AK9: variants seen among roughly 807,000 people sequenced by gnomAD.
AK9 encodes the protein adenylate kinase domain containing 1.
A neutral mutation model predicts 239.6 loss-of-function variants in AK9; 191 were observed. That is an observed-to-expected ratio of 0.80 (90% CI 0.71 to 0.90). The LOEUF (loss-of-function observed/expected upper bound fraction) is 0.90, where lower values mean the gene tolerates loss of function less well. Ranked by LOEUF, AK9 falls within the 40% of genes least tolerant of loss-of-function variation. AK9 has a pLI of 0.00. For synonymous variants in AK9, 689 were observed against 721.0 expected (o/e 0.96, Z 0.71); for missense variants, 1,995 against 2,214.7 (o/e 0.90, Z 1.99).
In AK9 at chr6:109,528,884, G is replaced by A. The variant is rs1780859645; in HGVS notation, c.3633+127C>T. On this transcript the variant is annotated intron_variant, in intron 29 of 40. Coordinates refer to ENST00000424296, the MANE Select transcript of AK9 (RefSeq NM_001145128.3). ...TGCCTGTAATCCTAGCACTTTGAGA[G>A]GCTGAGGTGGGAGGATCCCTTGAGC... 3.4e-6 allele frequency: 5 copies of A among 1,474,948 alleles called. No homozygotes were observed. The East Asian group carries it at 1.3e-4, about 38-fold the overall frequency. The allele number at this position is 1,474,948 out of a possible 1,614,324, so 91.4% of individuals were successfully genotyped here.
Position 109,493,423 on chromosome 6 carries a change from A to G in AK9, c.5682T>C (p.Asp1894=). The G allele has an allele frequency of 2.5e-6, 4 of 1,614,164 alleles. No individual in the cohort carries two copies. The highest frequency in any genetic ancestry group is 3.4e-6 in the Non-Finnish European group (4 of 1,180,038). ...KEPQFRAIDF[D]HKLKTFLSLR... The stretch of plus-strand genomic sequence containing the variant: ...GAGAGAGAAAGGTCTTTAACTTATG[A>G]TCAAAGTCAATGGCTCTGAACTGAG... The change falls in exon 41 of 41, where the codon GAT becomes GAC. Residue 1894 remains aspartate (D), a synonymous_variant. Coordinates refer to ENST00000424296, the MANE Select transcript of AK9 (RefSeq NM_001145128.3).
At chr6:109,581,379 C>T (rs1010481175) in intron 19 of AK9, among the ~76,000 whole-genome samples, 1 of 152,040 alleles carries the variant, frequency 6.6e-6, no homozygotes, top group African/African-American at 2.4e-5. Context: ...GTTGTGAATG[C>T]CAAAGAAATG....
At chr6:109,593,305 A>G (rs1185176754) in intron 17 of AK9, among the ~76,000 whole-genome samples, 2 of 151,800 alleles carry the variant, frequency 1.3e-5, no homozygotes, top group Non-Finnish European at 2.9e-5. Context: ...TTTCTCTAAA[A>G]TCTAAACCAG....
intron 24 of AK9, chr6:109,550,530 C>T (rs1582961072): frequency 2.6e-6 from 1 of 382,480 alleles, no homozygotes; most frequent in East Asian, 5.2e-5. Flanking sequence ...TAAAGCAGCA[C>T]TGAGAATGAA....
chr6:109,675,799 T>G, intron 1 of AK9, 43 bp from the exon 2 acceptor site: 1 of 1,184,368 alleles, frequency 8.4e-7, no homozygotes, highest in Non-Finnish European at 1.2e-6. Context: ...TCTAATTTGG[T>G]TGGATGAGGT....
intron 24 of AK9, 54 bp from the exon 25 acceptor site, chr6:109,550,356 G>T: frequency 6.7e-7 from 1 of 1,495,522 alleles, no homozygotes. Flanking sequence ...GTATTTTGAT[G>T]CAGATAATTT....
chr6:109,510,909 TATC>T (rs1778668801), intron 32 of AK9, among the ~76,000 whole-genome samples: 1 of 152,236 alleles, frequency 6.6e-6, no homozygotes, highest in African/African-American at 2.4e-5. Context: ...TGGCTAATGA[TATC>T]AACAGCAAGC....
At chr6:109,493,649 G>T in intron 40 of AK9, 78 bp from the exon 41 acceptor site, 2 of 1,225,850 alleles carry the variant, frequency 1.6e-6, no homozygotes, top group South Asian at 1.3e-5. Context: ...TGGATGTGTG[G>T]TTGAGTTAGT....
At chr6:109,508,896 C>T (rs969045254) in intron 33 of AK9, among the ~76,000 whole-genome samples, 1 of 152,206 alleles carries the variant, frequency 6.6e-6, no homozygotes. Flanking sequence ...GTGGAAGTCA[C>T]ATCAGCCTCC....
chr6:109,524,544 C>G (rs1238221910), intron 29 of AK9, among the ~76,000 whole-genome samples: 1 of 152,050 alleles, frequency 6.6e-6, no homozygotes, highest in Admixed American at 6.6e-5. Flanking sequence ...AGCAAAGATA[C>G]AGAGAAAAGA....
Position 109,506,731 on chromosome 6 carries a change from G to A in AK9, c.4551C>T (p.Pro1517=). The change falls in exon 34 of 41, where the codon CCC becomes CCT. Residue 1517 remains proline, a synonymous_variant. Coordinates refer to ENST00000424296, the MANE Select transcript of AK9 (RefSeq NM_001145128.3). ...MNLLEARSII[P]MVIFELSVPS... is the part of the protein sequence containing the mutation. ...GCACACTCAATTCAAAGATGACCAT[G>A]GGAATGATTGACCTAGCTTCCAAGA... 6.5e-7 allele frequency: 1 copy of A among 1,535,592 alleles called. No homozygotes were observed. Among genetic ancestry groups the A allele is most frequent in the Non-Finnish European group, 8.8e-7 (1 of 1,135,056 alleles).
intron 32 of AK9, among the ~76,000 whole-genome samples, chr6:109,512,099 A>G (rs1287761620): frequency 6.6e-6 from 1 of 152,110 alleles, no homozygotes; most frequent in Non-Finnish European, 1.5e-5. Context: ...ACAGGAAGAG[A>G]CAGAAGGTCA....
rs143176119 is a variant in AK9 at position 109,531,021 on chromosome 6, G to A, written c.3571-1948C>T. On this transcript the variant is annotated intron_variant, in intron 28 of 40. Transcript: ENST00000424296. ...TTGCGCCACTGCATTCTAGCCTAGC[G>A]ATAGAGTCAGACTCCGTCTCAAAAG... is the stretch of plus-strand genomic sequence containing the variant. Among the ~76,000 whole-genome samples, 968 of 152,050 alleles carry A rather than the reference G, an allele frequency of 6.4e-3. 6 individuals carry two copies. Among genetic ancestry groups the A allele is most frequent in the Non-Finnish European group, 0.01 (711 of 68,004 alleles).
chr6:109,682,281 G>A (rs1772772846), intron 1 of AK9, among the ~76,000 whole-genome samples: 1 of 151,968 alleles, frequency 6.6e-6, no homozygotes, highest in South Asian at 2.1e-4. Context: ...CAAAAAATTA[G>A]CCAGGCGTGG....
At chr6:109,526,113 A>C (rs4946982) in intron 29 of AK9, among the ~76,000 whole-genome samples, 108,153 of 151,786 alleles carry the variant, frequency 0.71, 39,005 homozygotes, top group East Asian at 0.99. Context: ...AGGAGAACAA[A>C]AGACACTGGG....
chr6:109,619,052 T>C (rs990419274), intron 13 of AK9, 40 bp downstream of exon 13: 2 of 1,513,324 alleles, frequency 1.3e-6, no homozygotes, highest in South Asian at 2.6e-5. Flanking sequence ...GCTTAATTTT[T>C]ACCTAAACTT....
At chr6:109,646,014 G>A (rs907432597) in intron 8 of AK9, among the ~76,000 whole-genome samples, 1 of 152,154 alleles carries the variant, frequency 6.6e-6, no homozygotes, top group Non-Finnish European at 1.5e-5. Flanking sequence ...ACTGTTAGAA[G>A]GAAAACTAAC....
chr6:109,669,124 T>C (rs1395241161), intron 5 of AK9, among the ~76,000 whole-genome samples: 1 of 151,380 alleles, frequency 6.6e-6, no homozygotes, highest in Non-Finnish European at 1.5e-5. Context: ...CCCTTGTAAG[T>C]TGGATTCCTA....
chr6:109,545,303 T>C (rs1178177124), intron 26 of AK9, among the ~76,000 whole-genome samples: 1 of 152,146 alleles, frequency 6.6e-6, no homozygotes, highest in Non-Finnish European at 1.5e-5. Context: ...TAGCTGGGCA[T>C]GGTAGTGCAC....
Sources: gnomAD v4.1 joint callset for allele counts (sites outside exome capture counted in the v4.1 genomes callset) on GRCh38, gnomAD v4.1.1 for gene constraint, MANE v1.5 for transcripts, NCBI Gene and HGNC (gene_info 2026-07-23, HGNC 2026-07-21) for gene names.